Variants in NRXN3 observed in about 807,000 individuals in gnomAD.
The protein encoded by NRXN3 is neurexin 3.
A neutral mutation model predicts 137.6 loss-of-function variants in NRXN3; 32 were observed. The observed-to-expected ratio is 0.23, with a 90% CI of 0.18 to 0.31. The LOEUF (loss-of-function observed/expected upper bound fraction) is 0.31. NRXN3 is among the 10% of genes least tolerant of loss of function. The probability of loss-of-function intolerance (pLI) is 1.00; values close to 1 mark genes in which losing one functional copy is unlikely to be tolerated. For synonymous variants in NRXN3, 798 were observed against 784.5 expected (o/e 1.02, Z -0.29); for missense variants, 1,574 against 2,062.5 (o/e 0.76, Z 4.59).
rs17107692 is a variant in NRXN3, at chr14:78,471,817, A to T, written c.758-173303A>T. 6.7e-3 allele frequency among the ~76,000 whole-genome samples: 1,028 copies of T among 152,332 alleles called. 41 individuals carry two copies. The highest frequency in any genetic ancestry group is 0.046 in the Admixed American group (709 of 15,312). On this transcript the variant is annotated intron_variant, in intron 4 of 20. Coordinates refer to ENST00000335750, the MANE Select transcript of NRXN3 (RefSeq NM_001330195.2). ...AGAGAGGGTGAAACAATGCAAAGGG[A>T]CACTCTATTGCTAGTTGGGGCTTAG...
At chr14:78,325,973 G>T (rs1437039890) in intron 4 of NRXN3, among the ~76,000 whole-genome samples, 1 of 152,164 alleles carries the variant, frequency 6.6e-6, no homozygotes, top group Non-Finnish European at 1.5e-5. Context: ...TGACAAACTT[G>T]TATACTTTTA....
At chr14:79,527,868 C>A (rs1332182494) in intron 16 of NRXN3, among the ~76,000 whole-genome samples, 13 of 35,156 alleles carry the variant, frequency 3.7e-4, no homozygotes, top group African/African-American at 1.8e-3. Context: ...GAGACTCCTT[C>A]GCCAAAAAAA....
chr14:79,022,776 G>A (rs1170893488), intron 15 of NRXN3, among the ~76,000 whole-genome samples: 1 of 152,144 alleles, frequency 6.6e-6, no homozygotes, highest in Non-Finnish European at 1.5e-5. Flanking sequence ...TGGTTAAAAG[G>A]TGATTAATCT....
chr14:79,399,603 G>C (rs2095131632), intron 15 of NRXN3, among the ~76,000 whole-genome samples: 1 of 152,078 alleles, frequency 6.6e-6, no homozygotes, highest in Admixed American at 6.6e-5. Context: ...ATATAAGTGA[G>C]TATAAACTCA....
At chr14:78,400,690 A>G (rs1489168284) in intron 4 of NRXN3, among the ~76,000 whole-genome samples, 1 of 152,164 alleles carries the variant, frequency 6.6e-6, no homozygotes, top group Non-Finnish European at 1.5e-5. Flanking sequence ...CTTAGTATGT[A>G]ATTGATGGTC....
Position 79,201,950 on chromosome 14 carries a change from T to A in NRXN3, c.3262+213809T>A, listed in dbSNP as rs143160849. ...CACGTGAGAATTGGCTAAAGCCATA[T>A]AGTTAGTAAGCCATAGAGTTAGGAT... On this transcript the variant is annotated intron_variant, in intron 15 of 20. Transcript: ENST00000335750. Among the ~76,000 whole-genome samples the A allele has an allele frequency of 1.1e-4, 17 of 152,364 alleles. No homozygotes were observed. In the East Asian group the frequency reaches 3.1e-3, roughly 28 times the overall value.
At chr14:78,616,377 C>T (rs978696960) in intron 4 of NRXN3, among the ~76,000 whole-genome samples, 7 of 152,212 alleles carry the variant, frequency 4.6e-5, no homozygotes, top group African/African-American at 1.7e-4. Context: ...CAAAGGCTAA[C>T]TCGTACTCAT....
intron 4 of NRXN3, among the ~76,000 whole-genome samples, chr14:78,568,500 C>A (rs971450154): frequency 4.6e-5 from 7 of 152,286 alleles, no homozygotes; most frequent in Admixed American, 1.3e-4. Flanking sequence ...ATTGAGATAT[C>A]CAGTTTATAG....
chr14:78,770,857 G>A (rs111919638), intron 8 of NRXN3, among the ~76,000 whole-genome samples: 2 of 152,042 alleles, frequency 1.3e-5, no homozygotes, highest in African/African-American at 2.4e-5. Context: ...GGTTGGGGGG[G>A]GTACAGCTAA....
intron 10 of NRXN3, among the ~76,000 whole-genome samples, chr14:78,923,598 G>A (rs2099277014): frequency 6.6e-6 from 1 of 152,186 alleles, no homozygotes; most frequent in African/African-American, 2.4e-5. Flanking sequence ...CCACAAGACA[G>A]AAGAGAATTG....
At chr14:78,518,705 C>T (rs1400986873) in intron 4 of NRXN3, among the ~76,000 whole-genome samples, 1 of 152,150 alleles carries the variant, frequency 6.6e-6, no homozygotes, top group African/African-American at 2.4e-5. Flanking sequence ...TTAGGTCTTT[C>T]TCTTTTCTTC....
At chr14:78,357,269 G>A (rs2084448757) in intron 4 of NRXN3, among the ~76,000 whole-genome samples, 1 of 152,164 alleles carries the variant, frequency 6.6e-6, no homozygotes, top group African/African-American at 2.4e-5. Context: ...GAGAACTTGT[G>A]CGGGCAAACT....
chr14:78,371,525 G>A (rs572466909), intron 4 of NRXN3, among the ~76,000 whole-genome samples: 1 of 152,348 alleles, frequency 6.6e-6, no homozygotes, highest in East Asian at 1.9e-4. Context: ...AACCCAAAAA[G>A]GCTGTCACAC....
chr14:78,624,151 G>A (rs184987770), intron 4 of NRXN3, among the ~76,000 whole-genome samples: 1 of 152,296 alleles, frequency 6.6e-6, no homozygotes, highest in Non-Finnish European at 1.5e-5. Context: ...TAGTCAAAAT[G>A]CTATATCCAC....
Position 79,641,235 on chromosome 14 carries a change from C to G in NRXN3, c.3445-22543C>G, listed in dbSNP as rs2098432098. Among the ~76,000 whole-genome samples the G allele has an allele frequency of 1.5e-5, 2 of 134,202 alleles. 1 individual carries two copies. The allele number at this position is 134,202 out of a possible 152,430, so 88.0% of individuals were successfully genotyped here. On this transcript the variant is annotated intron_variant, in intron 16 of 20. Coordinates refer to ENST00000335750, the MANE Select transcript of NRXN3 (RefSeq NM_001330195.2). ...ATGTTGGTCAGGCTAATCTGGAAATCCTGACCTCGTGATTTGCCCACCTCA... is the reference window on the plus strand; with the variant it reads ...ATGTTGGTCAGGCTAATCTGGAAATGCTGACCTCGTGATTTGCCCACCTCA...
intron 16 of NRXN3, among the ~76,000 whole-genome samples, chr14:79,471,280 C>T (rs957565927): frequency 4.6e-5 from 7 of 152,144 alleles, no homozygotes; most frequent in African/African-American, 1.4e-4. Context: ...TCTCTCTCTT[C>T]AAGCTTTACA....
chr14:79,585,601 C>T lies in NRXN3; in HGVS notation c.3445-78177C>T, dbSNP rs138542937. On this transcript the variant is annotated intron_variant, in intron 16 of 20. Coordinates refer to ENST00000335750, the MANE Select transcript of NRXN3 (RefSeq NM_001330195.2). Reference sequence around the variant, plus strand: ...TCAGGACGCTGAGGCAGGAGAATCGCCTGAACCCGGGAGGCGGAGGTTGCA... The same window carrying T: ...TCAGGACGCTGAGGCAGGAGAATCGTCTGAACCCGGGAGGCGGAGGTTGCA... Among the ~76,000 whole-genome samples, 3,239 of 149,472 alleles carry T rather than the reference C, an allele frequency of 0.022. 194 individuals carry two copies. The East Asian group carries it at 0.25, about 11-fold the overall frequency.
chr14:78,903,150 T>C (rs924509119), intron 10 of NRXN3, among the ~76,000 whole-genome samples: 1 of 148,892 alleles, frequency 6.7e-6, no homozygotes, highest in Non-Finnish European at 1.5e-5. Flanking sequence ...TCATCTTCTT[T>C]TTTTTTTTTT....
chr14:79,114,945 A>G (rs1422189199), intron 15 of NRXN3, among the ~76,000 whole-genome samples: 3 of 152,124 alleles, frequency 2.0e-5, no homozygotes, highest in African/African-American at 4.8e-5. Flanking sequence ...ATTATCTTTA[A>G]ATACGACATT....
Sources: allele counts gnomAD v4.1 joint callset (sites outside exome capture counted in the v4.1 genomes callset), GRCh38; gene constraint gnomAD v4.1.1; transcripts MANE v1.5; gene names NCBI Gene and HGNC (gene_info 2026-07-23, HGNC 2026-07-21).